CD5: variants seen among roughly 807,000 people sequenced by gnomAD.
CD5 encodes the protein T-cell surface glycoprotein CD5.
CD5 carries 36 observed loss-of-function variants against 60.3 expected under a neutral mutation model. The ratio of observed to expected loss-of-function variants is 0.60; its 90% CI spans 0.46 to 0.79. CD5 has a LOEUF of 0.79. CD5 is among the 30% of genes least tolerant of loss of function. The probability of loss-of-function intolerance (pLI) is 0.00; values close to 1 mark genes in which losing one functional copy is unlikely to be tolerated. For missense variants in CD5, 540 were observed against 630.6 expected (o/e 0.86, Z 1.54); for synonymous variants, 230 against 257.6 (o/e 0.89, Z 1.03).
upstream of CD5, among the ~76,000 whole-genome samples, chr11:61,099,462 T>C (rs1783185): frequency 0.16 from 3,387 of 21,494 alleles, 7 homozygotes; most frequent in African/African-American, 0.31. Context: ...AGATTACACA[T>C]ACATCAACAT....
chr11:61,119,898 A>G (rs1286396700), intron 5 of CD5, among the ~76,000 whole-genome samples: 1 of 152,124 alleles, frequency 6.6e-6, no homozygotes, highest in African/African-American at 2.4e-5. Flanking sequence ...GGGAGAAAAA[A>G]AAATGTCTAG....
At chr11:61,123,811 A>AAGCC in intron 7 of CD5, 73 bp from the exon 8 acceptor site, 2 of 262,112 alleles carry the variant, frequency 7.6e-6, no homozygotes, top group East Asian at 9.3e-5. Context: ...GCCCAGCCCC[A>AAGCC]TCCCCACCCC....
At position 61,126,811 on chromosome 11, in the gene CD5, G is replaced by A. The variant is rs1310474401; in HGVS notation, c.*526G>A. The stretch of plus-strand genomic sequence containing the variant: ...GACTCCCGGAGACCTCTGCAGCCGT[G>A]GTGGTCAGAGGCTGCTCACCTGAGC... On this transcript the variant is annotated 3_prime_UTR_variant, in exon 11 of 11. Transcript: ENST00000347785. 1.3e-5 allele frequency: 2 copies of A among 152,272 alleles called. No homozygotes were observed. Among genetic ancestry groups the A allele is most frequent in the Non-Finnish European group, 2.9e-5 (2 of 68,082 alleles). 9.4% of individuals were successfully genotyped at this position (152,272 alleles called of 1,614,324 possible).
rs1232745332 is a variant in CD5, at chr11:61,116,513, ACAC to A, written c.94+1420_94+1422del. The stretch of plus-strand genomic sequence containing the variant: ...CCACACACACCACCACACCACACAC[ACAC>A]ACCACCACACACACACCCCACACCA... On this transcript the variant is annotated intron_variant, in intron 2 of 10. Coordinates refer to ENST00000347785, the MANE Select transcript of CD5 (RefSeq NM_014207.4). Among the ~76,000 whole-genome samples, 800 of 113,426 alleles carry A rather than the reference ACAC, an allele frequency of 7.1e-3. 8 individuals carry two copies. The highest frequency in any genetic ancestry group is 0.027 in the African/African-American group (759 of 27,912). 74.4% of individuals were successfully genotyped at this position (113,426 alleles called of 152,430 possible). A position where few individuals can be genotyped will look rare whatever the true frequency, so the allele number is the denominator to read the frequency against.
At chr11:61,101,911 TACACACACACAC>T (rs35648034), upstream of CD5, among the ~76,000 whole-genome samples, 25 of 142,464 alleles carry the variant, frequency 1.8e-4, no homozygotes, top group East Asian at 1.1e-3. Flanking sequence ...TCTCTCTCTC[TACACACACACAC>T]ACACACACAC....
Position 61,127,831 on chromosome 11 carries a change from A to G in CD5, c.*1546A>G, listed in dbSNP as rs1330285470. On this transcript the variant is annotated 3_prime_UTR_variant, in exon 11 of 11. Transcript: ENST00000347785. ...CCTACTTAAAAACCAAACCAAAAATAAAGAGTTTAGTTGAGGAGAAATGAG... is the reference window on the plus strand; with the variant it reads ...CCTACTTAAAAACCAAACCAAAAATGAAGAGTTTAGTTGAGGAGAAATGAG... The G allele has an allele frequency of 6.6e-6, 1 of 152,196 alleles. No individual in the cohort carries two copies. The highest frequency in any genetic ancestry group is 2.4e-5 in the African/African-American group (1 of 41,446). 9.4% of individuals were successfully genotyped at this position (152,196 alleles called of 1,614,324 possible).
intron 4 of CD5, 25 bp downstream of exon 4, chr11:61,119,002 A>G: frequency 6.4e-7 from 1 of 1,570,506 alleles, no homozygotes; most frequent in Non-Finnish European, 8.7e-7. Context: ...AACCCCCCAC[A>G]GGGAGTCAGA....
chr11:61,119,601 T>TG, intron 5 of CD5, 26 bp downstream of exon 5: 3 of 1,534,852 alleles, frequency 2.0e-6, no homozygotes, highest in Non-Finnish European at 2.7e-6. Flanking sequence ...CCAAGCCCCA[T>TG]GACACCTTCT....
upstream of CD5, among the ~76,000 whole-genome samples, chr11:61,099,537 C>T (rs1277874815): frequency 7.4e-6 from 1 of 134,756 alleles, no homozygotes. Context: ...CACATTCGCA[C>T]ACATCAACAT....
intron 2 of CD5, among the ~76,000 whole-genome samples, chr11:61,116,578 ACAC>A (rs750014020): frequency 0.014 from 1,727 of 120,544 alleles, 37 homozygotes; most frequent in Non-Finnish European, 0.017. Flanking sequence ...CACACCACAC[ACAC>A]CACATGCACA....
chr11:61,125,985 G>C, intron 10 of CD5, 144 bp downstream of exon 10: 2 of 480,640 alleles, frequency 4.2e-6, no homozygotes, highest in Non-Finnish European at 7.4e-6. Flanking sequence ...CTTGTAAAGG[G>C]AAAGACAAAC....
upstream of CD5, among the ~76,000 whole-genome samples, chr11:61,099,711 C>T (rs886787240): frequency 1.3e-5 from 2 of 151,836 alleles, no homozygotes; most frequent in African/African-American, 2.4e-5. Context: ...AGATTACACA[C>T]ACATCAACAT....
intron 1 of CD5, among the ~76,000 whole-genome samples, chr11:61,109,523 T>A (rs568312819): frequency 6.6e-6 from 1 of 152,318 alleles, no homozygotes; most frequent in Admixed American, 6.5e-5. Flanking sequence ...GAAACCTTTT[T>A]TTTTTTAATT....
chr11:61,099,435 C>A (rs1860626594), upstream of CD5, among the ~76,000 whole-genome samples: 1 of 140,034 alleles, frequency 7.1e-6, no homozygotes. Flanking sequence ...GGAGATCACA[C>A]ACACACATCA....
At chr11:61,101,911 TACAC>T (rs35648034), upstream of CD5, among the ~76,000 whole-genome samples, 28,384 of 142,166 alleles carry the variant, frequency 0.2, 2,770 homozygotes, top group African/African-American at 0.26. Flanking sequence ...TCTCTCTCTC[TACAC>T]ACACACACAC....
At chr11:61,099,489 T>TGGAGATCACACACACA (rs1860628337), upstream of CD5, among the ~76,000 whole-genome samples, 2 of 18,088 alleles carry the variant, frequency 1.1e-4, 1 homozygote, top group Non-Finnish European at 1.9e-4. Flanking sequence ...CACACACACA[T>TGGAGATCACACACACA]CAACATGGAG....
upstream of CD5, among the ~76,000 whole-genome samples, chr11:61,099,911 A>G (rs1860637213): frequency 6.6e-6 from 1 of 151,338 alleles, no homozygotes; most frequent in Non-Finnish European, 1.5e-5. Flanking sequence ...TCACACACAC[A>G]TCAACATGGA....
At chr11:61,102,248 T>TCC, upstream of CD5, 1 of 397,260 alleles carries the variant, frequency 2.5e-6, no homozygotes. Flanking sequence ...TGCAGCCCTG[T>TCC]CCCTCCAGGA....
At chr11:61,098,833 C>T (rs1032937510), upstream of CD5, among the ~76,000 whole-genome samples, 305 of 152,282 alleles carry the variant, frequency 2.0e-3, 2 homozygotes, top group Non-Finnish European at 2.9e-3. Context: ...TGTGGCTTGT[C>T]CTGCTACAGG....
Sources: gnomAD v4.1 joint callset for allele counts (sites outside exome capture counted in the v4.1 genomes callset) on GRCh38, gnomAD v4.1.1 for gene constraint, MANE v1.5 for transcripts, NCBI Gene and HGNC (gene_info 2026-07-23, HGNC 2026-07-21) for gene names.